Variants in RBFOX1 observed in about 807,000 individuals in gnomAD.
The protein encoded by RBFOX1 is RNA binding fox-1 homolog 1.
In RBFOX1, 8 loss-of-function variants were observed where a neutral mutation model predicts 57.7. The ratio of observed to expected loss-of-function variants is 0.14; its 90% CI spans 0.08 to 0.25. RBFOX1 has a LOEUF of 0.25. RBFOX1 is among the 10% of genes least tolerant of loss of function. The pLI is 1.00. For synonymous variants in RBFOX1, 326 were observed against 222.4 expected (o/e 1.47, Z -4.15); for missense variants, 611 against 548.5 (o/e 1.11, Z -1.14).
intron 4 of RBFOX1, among the ~76,000 whole-genome samples, chr16:5,905,938 C>T (rs114802450): frequency 6.6e-6 from 1 of 152,184 alleles, no homozygotes; most frequent in South Asian, 2.1e-4. Flanking sequence ...TTTCAGCTCT[C>T]TTGTAGTGGG....
intron 2 of RBFOX1, among the ~76,000 whole-genome samples, chr16:6,371,465 A>G (rs1238220516): frequency 1.3e-5 from 2 of 152,124 alleles, no homozygotes; most frequent in Non-Finnish European, 1.5e-5. Flanking sequence ...TTGATGCTCA[A>G]GTTGTATCAT....
chr16:7,571,899 C>G (rs567059452), intron 5 of RBFOX1, among the ~76,000 whole-genome samples: 1 of 152,292 alleles, frequency 6.6e-6, no homozygotes, highest in South Asian at 2.1e-4. Flanking sequence ...GAGGCCAAGG[C>G]AGGTGGATCA....
intron 9 of RBFOX1, among the ~76,000 whole-genome samples, chr16:7,605,390 A>G (rs1409571378): frequency 6.6e-6 from 1 of 152,146 alleles, no homozygotes; most frequent in Non-Finnish European, 1.5e-5. Context: ...CTGTCACTCT[A>G]AAAAGGGGGC....
At chr16:6,979,161 G>A (rs370548509) in intron 3 of RBFOX1, among the ~76,000 whole-genome samples, 1 of 152,318 alleles carries the variant, frequency 6.6e-6, no homozygotes, top group Middle Eastern at 3.4e-3. Flanking sequence ...CTTAGTTCTA[G>A]TGTTGATAGT....
chr16:7,036,792 TAAGA>T (rs1196958845), intron 3 of RBFOX1, among the ~76,000 whole-genome samples: 1 of 151,894 alleles, frequency 6.6e-6, no homozygotes, highest in Non-Finnish European at 1.5e-5. Flanking sequence ...GCAAGTTTAT[TAAGA>T]AAGTAGGGGA....
At chr16:6,275,543 ATGT>A (rs1364380531) in intron 1 of RBFOX1, among the ~76,000 whole-genome samples, 15 of 152,112 alleles carry the variant, frequency 9.9e-5, no homozygotes, top group Non-Finnish European at 8.8e-5. Flanking sequence ...AAAAAATGGT[ATGT>A]TGTTGTGTTT....
At chr16:6,853,654 A>C (rs530121069) in intron 3 of RBFOX1, among the ~76,000 whole-genome samples, 1 of 152,346 alleles carries the variant, frequency 6.6e-6, no homozygotes, top group East Asian at 1.9e-4. Context: ...AAATGCTCTC[A>C]GCCTGTATGG....
chr16:5,523,484 T>C (rs112244668), intron 2 of RBFOX1, among the ~76,000 whole-genome samples: 6,689 of 151,958 alleles, frequency 0.044, 507 homozygotes, highest in African/African-American at 0.15. Context: ...GGTGTGATGG[T>C]GAGTGTCTGT....
intron 3 of RBFOX1, among the ~76,000 whole-genome samples, chr16:5,828,197 G>A (rs535104981): frequency 1.7e-4 from 25 of 151,138 alleles, no homozygotes; most frequent in East Asian, 7.9e-4. Flanking sequence ...GTATCTGTCC[G>A]CTCATCCATC....
At chr16:7,169,345 A>C (rs1333640637) in intron 4 of RBFOX1, among the ~76,000 whole-genome samples, 1 of 152,240 alleles carries the variant, frequency 6.6e-6, no homozygotes, top group Non-Finnish European at 1.5e-5. Flanking sequence ...GAATCTCAGC[A>C]CTATGGGTAT....
At chr16:6,522,105 A>C (rs904586965) in intron 2 of RBFOX1, among the ~76,000 whole-genome samples, 31 of 151,334 alleles carry the variant, frequency 2.0e-4, no homozygotes, top group African/African-American at 7.3e-4. Context: ...TCTTTGAATC[A>C]ATTTCCAAAG....
intron 2 of RBFOX1, among the ~76,000 whole-genome samples, chr16:5,582,060 C>T (rs1262613075): frequency 6.6e-6 from 1 of 152,204 alleles, no homozygotes; most frequent in Non-Finnish European, 1.5e-5. Context: ...AATCCACATT[C>T]AAACTTGCAA....
chr16:5,268,883 C>G (rs1012045658), intron 1 of RBFOX1, among the ~76,000 whole-genome samples: 1 of 151,814 alleles, frequency 6.6e-6, no homozygotes, highest in Non-Finnish European at 1.5e-5. Context: ...GTTCTAGTTT[C>G]TCTGCATCCT....
At chr16:6,271,290 G>A (rs988202426) in intron 1 of RBFOX1, among the ~76,000 whole-genome samples, 5 of 152,124 alleles carry the variant, frequency 3.3e-5, no homozygotes, top group Non-Finnish European at 5.9e-5. Flanking sequence ...CGAGCATAGT[G>A]GCACATGTGT....
intron 2 of RBFOX1, among the ~76,000 whole-genome samples, chr16:5,598,236 AT>A (rs1002270908): frequency 5.9e-5 from 9 of 151,350 alleles, no homozygotes; most frequent in East Asian, 1.9e-4. Context: ...AAAAAAAAAA[AT>A]AAATAAAAAA....
At chr16:7,018,921 C>G (rs1303806956) in intron 3 of RBFOX1, among the ~76,000 whole-genome samples, 1 of 152,090 alleles carries the variant, frequency 6.6e-6, no homozygotes, top group Admixed American at 6.5e-5. Flanking sequence ...GAGTTCAAGA[C>G]CAGCCTGGGC....
chr16:6,081,784 G>A (rs74521914), intron 1 of RBFOX1, among the ~76,000 whole-genome samples: 4 of 152,170 alleles, frequency 2.6e-5, no homozygotes, highest in Admixed American at 6.5e-5. Flanking sequence ...GTGAACAGCC[G>A]TGTGCCTCTC....
chr16:7,584,585 C>T (rs1270477189), intron 6 of RBFOX1, among the ~76,000 whole-genome samples: 1 of 152,226 alleles, frequency 6.6e-6, no homozygotes, highest in East Asian at 1.9e-4. Flanking sequence ...GCCACCATGC[C>T]TGGCCTGGAT....
At chr16:6,741,412 C>G (rs941025124) in intron 3 of RBFOX1, among the ~76,000 whole-genome samples, 1 of 151,976 alleles carries the variant, frequency 6.6e-6, no homozygotes, top group African/African-American at 2.4e-5. Flanking sequence ...CCTGTAATAC[C>G]AGCACTTTGG....
Sources: gnomAD v4.1 joint callset for allele counts (sites outside exome capture counted in the v4.1 genomes callset) on GRCh38, gnomAD v4.1.1 for gene constraint, MANE v1.5 for transcripts, NCBI Gene and HGNC (gene_info 2026-07-23, HGNC 2026-07-21) for gene names.